Variants in SUCLG2 observed in about 807,000 individuals in gnomAD.
SUCLG2 encodes the protein succinate--CoA ligase [GDP-forming] subunit beta, mitochondrial.
Under a neutral mutation model 47.9 loss-of-function variants are expected in SUCLG2, and 42 were observed. That is an observed-to-expected ratio of 0.88 (90% CI 0.69 to 1.14). SUCLG2 has a LOEUF of 1.14. Ranked by LOEUF, SUCLG2 falls within the 50% of genes most tolerant of loss-of-function variation. The pLI is 0.00. For missense variants in SUCLG2, 571 were observed against 525.9 expected, an observed-to-expected ratio of 1.09 and a Z score of -0.84; for synonymous variants, 195 against 197.3, an observed-to-expected ratio of 0.99 and a Z score of 0.10.
intron 2 of SUCLG2, among the ~76,000 whole-genome samples, chr3:67,529,968 A>C (rs550539358): frequency 6.6e-6 from 1 of 152,360 alleles, no homozygotes; most frequent in Middle Eastern, 3.4e-3. Flanking sequence ...CCCCTCCCCA[A>C]CCACCAAAAC....
chr3:67,365,824 A>G (rs1008110195), intron 10 of SUCLG2, among the ~76,000 whole-genome samples: 4 of 152,220 alleles, frequency 2.6e-5, no homozygotes, highest in African/African-American at 9.6e-5. Context: ...GCGGACTAGC[A>G]TAAAATTGAA....
intron 10 of SUCLG2, among the ~76,000 whole-genome samples, chr3:67,383,556 G>C (rs1702203667): frequency 6.6e-6 from 1 of 152,164 alleles, no homozygotes; most frequent in South Asian, 2.1e-4. Flanking sequence ...CTCGAGGTGT[G>C]AATGTGATAG....
chr3:67,481,056 T>C (rs1390157341), intron 9 of SUCLG2, among the ~76,000 whole-genome samples: 2 of 152,168 alleles, frequency 1.3e-5, no homozygotes, highest in Non-Finnish European at 2.9e-5. Context: ...TCTACACTCA[T>C]AGAGTGCTGC....
chr3:67,617,412 A>G (rs1285438821), intron 1 of SUCLG2, among the ~76,000 whole-genome samples: 1 of 152,216 alleles, frequency 6.6e-6, no homozygotes. Context: ...TGGAAAGGAA[A>G]AAAATAATAA....
chr3:67,390,028 T>C (rs773972128), intron 10 of SUCLG2, among the ~76,000 whole-genome samples: 26 of 152,326 alleles, frequency 1.7e-4, no homozygotes, highest in Middle Eastern at 6.8e-3. Flanking sequence ...AGAGACTGGA[T>C]TACAATGGTA....
intron 2 of SUCLG2, among the ~76,000 whole-genome samples, chr3:67,595,861 A>C (rs1708281373): frequency 6.6e-6 from 1 of 152,254 alleles, no homozygotes; most frequent in African/African-American, 2.4e-5. Flanking sequence ...TGATGAGAGC[A>C]TAAGTAAATG....
intron 9 of SUCLG2, among the ~76,000 whole-genome samples, chr3:67,443,650 G>A (rs1455218723): frequency 2.5e-5 from 2 of 81,174 alleles, no homozygotes; most frequent in Non-Finnish European, 5.6e-5. Context: ...AGTGAGGAGC[G>A]TCTCTGCCTG....
chr3:67,581,716 G>A (rs1191818188), intron 2 of SUCLG2, among the ~76,000 whole-genome samples: 5 of 152,186 alleles, frequency 3.3e-5, no homozygotes, highest in African/African-American at 1.2e-4. Flanking sequence ...CCTAACTCGA[G>A]TATGGAAAGT....
intron 4 of SUCLG2, among the ~76,000 whole-genome samples, chr3:67,522,372 A>G (rs1706131904): frequency 6.6e-6 from 1 of 151,910 alleles, no homozygotes; most frequent in Non-Finnish European, 1.5e-5. Context: ...ATGAACTTCA[A>G]TTTTCCTAAA....
chr3:67,456,938 T>C (rs1344540993), intron 9 of SUCLG2, among the ~76,000 whole-genome samples: 1 of 152,204 alleles, frequency 6.6e-6, no homozygotes, highest in Non-Finnish European at 1.5e-5. Context: ...CCTTTTCTTC[T>C]TTATACCTTT....
At chr3:67,552,548 C>T (rs1191076266) in intron 2 of SUCLG2, among the ~76,000 whole-genome samples, 2 of 152,174 alleles carry the variant, frequency 1.3e-5, no homozygotes, top group Non-Finnish European at 2.9e-5. Context: ...ACATGGATGT[C>T]TATAACATAG....
At chr3:67,368,138 C>A (rs1701900109) in intron 10 of SUCLG2, among the ~76,000 whole-genome samples, 1 of 152,064 alleles carries the variant, frequency 6.6e-6, no homozygotes, top group South Asian at 2.1e-4. Flanking sequence ...ACATTCTTCC[C>A]CTAAAATTTT....
At chr3:67,390,874 A>G (rs1295127143) in intron 10 of SUCLG2, among the ~76,000 whole-genome samples, 20 of 152,212 alleles carry the variant, frequency 1.3e-4, no homozygotes, top group Admixed American at 1.3e-3. Flanking sequence ...TAATTTTTTA[A>G]GAATTCCTTT....
chr3:67,402,333 T>C (rs546089129), intron 9 of SUCLG2, among the ~76,000 whole-genome samples: 1 of 117,130 alleles, frequency 8.5e-6, no homozygotes, highest in Non-Finnish European at 1.9e-5. Flanking sequence ...CCTTTTTCAG[T>C]AGACTGCAGC....
At chr3:67,391,629 T>C (rs990844601) in intron 10 of SUCLG2, among the ~76,000 whole-genome samples, 1 of 151,962 alleles carries the variant, frequency 6.6e-6, no homozygotes, top group Admixed American at 6.6e-5. Flanking sequence ...GTGGGCCGAG[T>C]AGCTTTGAAA....
intron 10 of SUCLG2, among the ~76,000 whole-genome samples, chr3:67,393,491 G>C (rs1052062864): frequency 8.5e-5 from 13 of 152,220 alleles, no homozygotes; most frequent in Non-Finnish European, 1.6e-4. Flanking sequence ...CATGGCCCAG[G>C]CTTGCTTACG....
intron 10 of SUCLG2, among the ~76,000 whole-genome samples, chr3:67,365,068 C>T (rs959108229): frequency 2.6e-5 from 4 of 152,146 alleles, no homozygotes. Context: ...AGAAAAGCAT[C>T]TGTAAACTGG....
chr3:67,409,184 G>C, intron 9 of SUCLG2: 1 of 832,046 alleles, frequency 1.2e-6, no homozygotes, highest in Non-Finnish European at 1.8e-6. Context: ...GATGGGGCTG[G>C]GGAGGGGTCA....
chr3:67,495,741 T>C (rs1164486615), intron 9 of SUCLG2, 57 bp downstream of exon 9: 3 of 1,602,764 alleles, frequency 1.9e-6, no homozygotes, highest in Middle Eastern at 2.3e-4. Flanking sequence ...ACAAGTGAGC[T>C]CTTGACGGTG....
Sources: allele counts gnomAD v4.1 joint callset (sites outside exome capture counted in the v4.1 genomes callset), GRCh38; gene constraint gnomAD v4.1.1; transcripts MANE v1.5; gene names NCBI Gene and HGNC (gene_info 2026-07-23, HGNC 2026-07-21).